Variants in PLD5 observed in about 807,000 individuals in gnomAD.
PLD5 encodes the protein phospholipase D family member 5.
A neutral mutation model predicts 61.1 loss-of-function variants in PLD5; 36 were observed. The observed-to-expected ratio is 0.59, with a 90% CI of 0.45 to 0.78. The LOEUF (loss-of-function observed/expected upper bound fraction) is 0.78, where lower values mean the gene tolerates loss of function less well. Ranked by LOEUF, PLD5 falls within the 30% of genes least tolerant of loss-of-function variation. The pLI is 0.00. For synonymous variants in PLD5, 243 were observed against 242.8 expected, an observed-to-expected ratio of 1.00 and a Z score of -0.01; for missense variants, 515 against 644.4, an observed-to-expected ratio of 0.80 and a Z score of 2.17.
chr1:242,167,579 C>T (rs1159367560), intron 5 of PLD5, among the ~76,000 whole-genome samples: 1 of 152,082 alleles, frequency 6.6e-6, no homozygotes, highest in African/African-American at 2.4e-5. Flanking sequence ...AACCATATCA[C>T]TAACATTTAT....
chr1:242,405,170 C>A (rs977701319), intron 1 of PLD5, among the ~76,000 whole-genome samples: 6 of 152,122 alleles, frequency 3.9e-5, no homozygotes, highest in Non-Finnish European at 8.8e-5. Context: ...GCCTGGCCCT[C>A]TGCTAATCCA....
At chr1:242,183,755 G>A (rs563808850) in intron 5 of PLD5, among the ~76,000 whole-genome samples, 4 of 149,568 alleles carry the variant, frequency 2.7e-5, no homozygotes, top group Non-Finnish European at 4.4e-5. Flanking sequence ...TTAGGCAGGC[G>A]TGGTGGCGGG....
intron 2 of PLD5, among the ~76,000 whole-genome samples, chr1:242,339,910 G>A (rs770590126): frequency 6.6e-6 from 1 of 152,046 alleles, no homozygotes; most frequent in Non-Finnish European, 1.5e-5. Context: ...GAAAAGAGAG[G>A]GAGCCAGTAA....
At position 242,258,133 on chromosome 1, in the gene PLD5, C is replaced by T. The variant is rs569904550; in HGVS notation, c.607+7204G>A. 4.6e-5 allele frequency among the ~76,000 whole-genome samples: 7 copies of T among 152,212 alleles called. No homozygotes were observed. In the South Asian group the frequency reaches 8.3e-4, roughly 18 times the overall value. ...TCCTATAGAAATTGCATATAAAAAC[C>T]GATTTGAATAACTTCCTTCCTGTTT... On this transcript the variant is annotated intron_variant, in intron 4 of 9. Transcript: ENST00000536534.
chr1:242,344,913 G>A (rs935151045), intron 2 of PLD5, among the ~76,000 whole-genome samples: 18 of 152,144 alleles, frequency 1.2e-4, no homozygotes, highest in Non-Finnish European at 4.4e-5. Context: ...AATCGTGGCG[G>A]GAGATGAAAC....
intron 1 of PLD5, among the ~76,000 whole-genome samples, chr1:242,468,783 T>C (rs530437017): frequency 6.0e-4 from 92 of 152,246 alleles, no homozygotes; most frequent in Non-Finnish European, 7.8e-4. Flanking sequence ...CACAAAATAA[T>C]AATAGCAATA....
chr1:242,400,041 G>A (rs995122080), intron 1 of PLD5, among the ~76,000 whole-genome samples: 19 of 152,188 alleles, frequency 1.2e-4, no homozygotes, highest in African/African-American at 3.1e-4. Flanking sequence ...GGTGGCAGGC[G>A]CCTGTAATCT....
chr1:242,506,763 G>A (rs1252563871), intron 1 of PLD5, among the ~76,000 whole-genome samples: 1 of 152,206 alleles, frequency 6.6e-6, no homozygotes, highest in Non-Finnish European at 1.5e-5. Flanking sequence ...TCAGTGTGGA[G>A]CGAAATACTG....
chr1:242,283,702 A>C (rs1674853161), intron 3 of PLD5, among the ~76,000 whole-genome samples: 1 of 152,150 alleles, frequency 6.6e-6, no homozygotes, highest in Non-Finnish European at 1.5e-5. Context: ...ATTTTTTCCT[A>C]GCATATTTTT....
intron 3 of PLD5, among the ~76,000 whole-genome samples, chr1:242,285,936 CCT>C (rs1674995765): frequency 6.6e-6 from 1 of 151,884 alleles, no homozygotes; most frequent in African/African-American, 2.4e-5. Context: ...GGTGAAACCT[CCT>C]CTCTACTAAA....
chr1:242,475,624 C>A (rs1667574084), intron 1 of PLD5, among the ~76,000 whole-genome samples: 1 of 152,132 alleles, frequency 6.6e-6, no homozygotes, highest in Non-Finnish European at 1.5e-5. Context: ...AACATACTGT[C>A]ATGTGCCCTG....
rs1465897445 is a variant in PLD5 at position 242,162,050 on chromosome 1, TTTG to T, written c.736-37388_736-37386del. On this transcript the variant is annotated intron_variant, in intron 5 of 9. Coordinates refer to ENST00000536534, the MANE Select transcript of PLD5 (RefSeq NM_001372062.1). ...TATTTGGTAGGCAACAAAATAAATA[TTTG>T]GCATACGTTTTTTTAAAGTATAAAA... Among the ~76,000 whole-genome samples the T allele has an allele frequency of 3.0e-4, 45 of 152,276 alleles. No homozygotes were observed. The East Asian group carries it at 8.5e-3, about 29-fold the overall frequency.
At chr1:242,482,199 C>G (rs1404301404) in intron 1 of PLD5, among the ~76,000 whole-genome samples, 1 of 152,214 alleles carries the variant, frequency 6.6e-6, no homozygotes, top group African/African-American at 2.4e-5. Flanking sequence ...CAGAACAAAG[C>G]TGGACGGAGA....
At chr1:242,094,653 C>A (rs1049640572) in intron 9 of PLD5, among the ~76,000 whole-genome samples, 3 of 151,982 alleles carry the variant, frequency 2.0e-5, no homozygotes, top group Non-Finnish European at 4.4e-5. Flanking sequence ...AAAATTCACT[C>A]ATTTAAAAAT....
At chr1:242,396,005 G>T (rs529636262) in intron 1 of PLD5, among the ~76,000 whole-genome samples, 1 of 152,080 alleles carries the variant, frequency 6.6e-6, no homozygotes, top group Non-Finnish European at 1.5e-5. Flanking sequence ...GCGAGATTGC[G>T]CCATTGCACT....
At chr1:242,238,372 C>T (rs1317529432) in intron 4 of PLD5, among the ~76,000 whole-genome samples, 1 of 152,168 alleles carries the variant, frequency 6.6e-6, no homozygotes, top group Non-Finnish European at 1.5e-5. Flanking sequence ...TCCATTGCCC[C>T]GTCAGCCCAG....
chr1:242,311,806 C>A (rs1373055664), intron 2 of PLD5, among the ~76,000 whole-genome samples: 1 of 152,174 alleles, frequency 6.6e-6, no homozygotes, highest in Non-Finnish European at 1.5e-5. Context: ...TCTCTCTGGA[C>A]TCTTTCTCTC....
At chr1:242,103,833 T>C (rs1300189373) in intron 8 of PLD5, among the ~76,000 whole-genome samples, 1 of 152,242 alleles carries the variant, frequency 6.6e-6, no homozygotes, top group Non-Finnish European at 1.5e-5. Context: ...TTCCTCAGTT[T>C]ACAAAAACCA....
rs1295439876 is a variant in PLD5, at chr1:242,348,013, G to A, written c.326+93C>T. On this transcript the variant is annotated intron_variant, in intron 2 of 9. Transcript: ENST00000536534. ...AGCTAAGGGGAGCCTGGATGACTAC[G>A]TGTGTTTATGTATTCTCTTCTCCAT... is the stretch of plus-strand genomic sequence containing the variant. 27 of 1,480,092 alleles carry A rather than the reference G, an allele frequency of 1.8e-5. No homozygotes were observed. The East Asian group carries it at 2.5e-4, about 14-fold the overall frequency. 91.7% of individuals were successfully genotyped at this position (1,480,092 alleles called of 1,614,324 possible).
Sources: allele counts gnomAD v4.1 joint callset (sites outside exome capture counted in the v4.1 genomes callset), GRCh38; gene constraint gnomAD v4.1.1; transcripts MANE v1.5; gene names NCBI Gene and HGNC (gene_info 2026-07-23, HGNC 2026-07-21).